Variants in CCDC30 observed in about 807,000 individuals in gnomAD.
CCDC30 encodes the protein coiled-coil domain-containing protein 30.
CCDC30 carries 70 observed loss-of-function variants against 100.2 expected under a neutral mutation model. The ratio of observed to expected loss-of-function variants is 0.70; its 90% confidence interval spans 0.58 to 0.85. CCDC30 has a LOEUF of 0.85. Ranked by LOEUF, CCDC30 falls within the 40% of genes least tolerant of loss-of-function variation. The probability of loss-of-function intolerance (pLI) is 0.00; values close to 1 mark genes in which losing one functional copy is unlikely to be tolerated. For synonymous variants in CCDC30, 233 were observed against 269.5 expected, an observed-to-expected ratio of 0.86 and a Z score of 1.33; for missense variants, 652 against 771.2, an observed-to-expected ratio of 0.85 and a Z score of 1.83.
chr1:42,638,612 G>A (rs1039969006), intron 12 of CCDC30, among the ~76,000 whole-genome samples: 4 of 151,206 alleles, frequency 2.6e-5, no homozygotes, highest in Non-Finnish European at 4.4e-5. Flanking sequence ...GGTGGCTTGC[G>A]CCTGTAATCC....
exon 4 of CCDC30, chr1:42,490,175 G>A (rs1644115381): frequency 8.3e-7 from 1 of 1,200,362 alleles, no homozygotes; most frequent in Non-Finnish European, 1.0e-6. Context: ...ACTTAAGAAG[G>A]CTCAACTAGA....
chr1:42,581,429 A>G, exon 9 of CCDC30: 1 of 1,613,878 alleles, frequency 6.2e-7, no homozygotes, highest in Non-Finnish European at 8.5e-7. Context: ...TATTTCAGAG[A>G]AGCAGCAGCT....
intron 11 of CCDC30, among the ~76,000 whole-genome samples, chr1:42,615,924 G>GT (rs925718238): frequency 6.0e-5 from 9 of 149,380 alleles, no homozygotes; most frequent in East Asian, 5.9e-4. Context: ...TGTTTTTTTG[G>GT]TTTTTTTTTT....
chr1:42,555,400 A>G (rs568551464), intron 6 of CCDC30, among the ~76,000 whole-genome samples: 1 of 152,256 alleles, frequency 6.6e-6, no homozygotes, highest in Non-Finnish European at 1.5e-5. Context: ...CAGGCCTTGT[A>G]TTACTTACTA....
rs150888734 is a variant in CCDC30, at chr1:42,560,732, G to A, written c.457-5564G>A. Reference sequence around the variant, plus strand: ...CTAGCTAGACTAATAAAGAAGAAGGGAGATAAGCATCAAATAGACACAATA... The same window carrying A: ...CTAGCTAGACTAATAAAGAAGAAGGAAGATAAGCATCAAATAGACACAATA... On this transcript the variant is annotated intron_variant, in intron 6 of 16. Transcript: ENST00000668663. Among the ~76,000 whole-genome samples the A allele has an allele frequency of 5.2e-3, 795 of 152,042 alleles. 8 individuals carry two copies. Among genetic ancestry groups the A allele is most frequent in the African/African-American group, 0.019 (768 of 41,484 alleles).
chr1:42,647,579 T>C (rs1647990192), intron 15 of CCDC30, among the ~76,000 whole-genome samples: 1 of 152,196 alleles, frequency 6.6e-6, no homozygotes, highest in Non-Finnish European at 1.5e-5. Context: ...CTAGACCTAG[T>C]AGATCTAACT....
intron 7 of CCDC30, among the ~76,000 whole-genome samples, chr1:42,573,927 A>C (rs1645784188): frequency 6.6e-6 from 1 of 152,078 alleles, no homozygotes; most frequent in African/African-American, 2.4e-5. Context: ...CTGATTTTCT[A>C]ATGTTAATCC....
chr1:42,538,098 T>A (rs1569961516), intron 6 of CCDC30: 1 of 133,082 alleles, frequency 7.5e-6, no homozygotes, highest in Non-Finnish European at 1.5e-5. Flanking sequence ...GGCAAGAGGA[T>A]CACTAGGAGC....
chr1:42,619,363 G>A (rs542642150), intron 11 of CCDC30, among the ~76,000 whole-genome samples: 91 of 152,312 alleles, frequency 6.0e-4, no homozygotes, highest in African/African-American at 2.0e-3. Flanking sequence ...CAGGGGCCAA[G>A]GGAAAACTTC....
chr1:42,573,089 C>G (rs1275175786), intron 7 of CCDC30, among the ~76,000 whole-genome samples: 3 of 152,094 alleles, frequency 2.0e-5, no homozygotes, highest in Admixed American at 2.0e-4. Flanking sequence ...TATTCCTGGC[C>G]TTTGGGGTTC....
At chr1:42,590,923 G>A (rs1391176008) in intron 10 of CCDC30, 1 of 152,192 alleles carries the variant, frequency 6.6e-6, no homozygotes, top group Non-Finnish European at 1.5e-5. Flanking sequence ...CCTGCATTGT[G>A]TTCATGTACC....
intron 11 of CCDC30, among the ~76,000 whole-genome samples, chr1:42,636,196 G>A (rs1647151943): frequency 6.6e-6 from 1 of 152,100 alleles, no homozygotes; most frequent in South Asian, 2.1e-4. Context: ...GAGGCAGGAG[G>A]ATAGTTTGAG....
chr1:42,562,404 T>A (rs1473638710), intron 6 of CCDC30, among the ~76,000 whole-genome samples: 1 of 152,202 alleles, frequency 6.6e-6, no homozygotes, highest in Non-Finnish European at 1.5e-5. Flanking sequence ...GCTAGCCATA[T>A]GCAGAAAAAT....
At chr1:42,457,930 G>A in the CCDC30 span, among the ~76,000 whole-genome samples, 1 of 151,148 alleles carries the variant, frequency 6.6e-6, no homozygotes, top group South Asian at 2.1e-4. Flanking sequence ...ACTCCAGCCC[G>A]GGCGACGAGA....
intron 11 of CCDC30, among the ~76,000 whole-genome samples, chr1:42,619,924 C>A (rs2148655824): frequency 6.6e-6 from 1 of 152,258 alleles, no homozygotes; most frequent in South Asian, 2.1e-4. Context: ...TTTCCTTCAA[C>A]TTACAAGGAT....
chr1:42,462,748 C>CCTGAATTTTCAGTGCTTAGGA (rs757020872), upstream of CCDC30, among the ~76,000 whole-genome samples: 224 of 152,270 alleles, frequency 1.5e-3, no homozygotes, highest in Non-Finnish European at 3.0e-3. Flanking sequence ...GTTCATCTTA[C>CCTGAATTTTCAGTGCTTAGGA]CTGAATTTTC....
intron 6 of CCDC30, among the ~76,000 whole-genome samples, chr1:42,505,099 A>G (rs1644375354): frequency 6.6e-6 from 1 of 152,234 alleles, no homozygotes; most frequent in South Asian, 2.1e-4. Flanking sequence ...GAGTGTGTGT[A>G]GCGATTCCCA....
chr1:42,473,390 T>A (rs1643830119), intron 1 of CCDC30: 1 of 746,826 alleles, frequency 1.3e-6, no homozygotes, highest in Non-Finnish European at 1.8e-6. Flanking sequence ...AACTAATGTT[T>A]GGCTATCACT....
chr1:42,605,445 T>C (rs7518965), intron 10 of CCDC30, among the ~76,000 whole-genome samples: 2 of 152,106 alleles, frequency 1.3e-5, no homozygotes, highest in African/African-American at 4.8e-5. Flanking sequence ...AAGTCACTTG[T>C]GTGTCCAAGT....
Sources: allele counts gnomAD v4.1 joint callset (sites outside exome capture counted in the v4.1 genomes callset), GRCh38; gene constraint gnomAD v4.1.1; transcripts MANE v1.5; gene names NCBI Gene and HGNC (gene_info 2026-07-23, HGNC 2026-07-21).